The following SLC36A1 variants were observed in gnomAD, a reference collection of about 807,000 sequenced individuals.
The protein encoded by SLC36A1 is proton-coupled amino acid transporter 1.
SLC36A1 carries 30 observed loss-of-function variants against 47.5 expected under a neutral mutation model. The ratio of observed to expected loss-of-function variants is 0.63; its 90% CI spans 0.47 to 0.86. The LOEUF is 0.86. Ranked by LOEUF, SLC36A1 falls within the 40% of genes least tolerant of loss-of-function variation. The pLI, the probability that SLC36A1 is intolerant of heterozygous loss-of-function variation, is 0.00. For missense variants in SLC36A1, 517 were observed against 606.0 expected, an observed-to-expected ratio of 0.85 and a Z score of 1.54; for synonymous variants, 255 against 249.7, an observed-to-expected ratio of 1.02 and a Z score of -0.20.
At chr5:151,417,848 C>T in the SLC36A1 span, among the ~76,000 whole-genome samples, 3 of 152,244 alleles carry the variant, frequency 2.0e-5, no homozygotes, top group African/African-American at 7.2e-5. Context: ...GGGAAAACAT[C>T]TCCAGGGCAT....
chr5:151,462,051 A>T (rs907268756), intron 2 of SLC36A1, among the ~76,000 whole-genome samples: 1 of 152,092 alleles, frequency 6.6e-6, no homozygotes, highest in African/African-American at 2.4e-5. Flanking sequence ...CTTGAAAATG[A>T]AAGAAATCAG....
chr5:151,467,760 G>T lies in SLC36A1; in HGVS notation c.558G>T (p.Val186=). 1 of 1,614,056 alleles carries T rather than the reference G, an allele frequency of 6.2e-7. No homozygotes were observed. Among genetic ancestry groups the T allele is most frequent in the Non-Finnish European group, 8.5e-7 (1 of 1,180,006 alleles). The change falls in exon 7 of 11, where the codon GTG becomes GTT. Residue 186 remains valine, a synonymous_variant. Transcript: ENST00000243389. ...ATAACTGCCACAACAATGAGACGGT[G>T]ATTCTGACGCCTACCATGGACTCGC... ...TTNNCHNNET[V]ILTPTMDSRL... is the part of the protein sequence containing the mutation.
chr5:151,367,479 C>T, the SLC36A1 span, among the ~76,000 whole-genome samples: 8 of 151,268 alleles, frequency 5.3e-5, no homozygotes, highest in Non-Finnish European at 1.2e-4. Flanking sequence ...AAAAATATGG[C>T]TCTTTTTGCC....
chr5:151,488,304 C>T lies in SLC36A1; in HGVS notation c.*50C>T, dbSNP rs201960662. The T allele has an allele frequency of 3.0e-5, 48 of 1,589,606 alleles. No homozygotes were observed. The highest frequency in any genetic ancestry group is 3.8e-5 in the Non-Finnish European group (44 of 1,165,982). ...GCCTACCCCTGCCCCATGTGTCCCCCGTTACCTGTCCTCAGAGCCTCAGGT... is the reference window on the plus strand; with the variant it reads ...GCCTACCCCTGCCCCATGTGTCCCCTGTTACCTGTCCTCAGAGCCTCAGGT... On this transcript the variant is annotated 3_prime_UTR_variant, in exon 11 of 11. Transcript: ENST00000243389.
the SLC36A1 span, among the ~76,000 whole-genome samples, chr5:151,352,474 C>T: frequency 6.6e-6 from 1 of 152,166 alleles, no homozygotes; most frequent in Non-Finnish European, 1.5e-5. Flanking sequence ...GTGTTGGTTT[C>T]CTATGGCTGC....
chr5:151,478,661 AG>A (rs1758398427), intron 9 of SLC36A1, among the ~76,000 whole-genome samples: 1 of 152,214 alleles, frequency 6.6e-6, no homozygotes, highest in Non-Finnish European at 1.5e-5. Flanking sequence ...AAAGGTATAT[AG>A]AGAGCATTAA....
At chr5:151,439,514 G>C (rs544010729) in intron 1 of SLC36A1, among the ~76,000 whole-genome samples, 1 of 151,952 alleles carries the variant, frequency 6.6e-6, no homozygotes, top group Non-Finnish European at 1.5e-5. Context: ...TTTGCCAGGC[G>C]TGGTGGTGTG....
chr5:151,498,921 C>G, the SLC36A1 span, among the ~76,000 whole-genome samples: 1 of 152,226 alleles, frequency 6.6e-6, no homozygotes, highest in Non-Finnish European at 1.5e-5. Context: ...TACCTGCCTG[C>G]GCTGGAGACG....
chr5:151,374,134 C>T, the SLC36A1 span, among the ~76,000 whole-genome samples: 2 of 152,128 alleles, frequency 1.3e-5, no homozygotes, highest in Admixed American at 1.3e-4. Context: ...CTGGAGGACA[C>T]CTACCCTGGC....
In SLC36A1 at chr5:151,467,763, T is replaced by G. The variant is rs140124579; in HGVS notation, c.561T>G (p.Ile187Met). Residue 187 changes from isoleucine (I) to methionine (M), a missense_variant, in exon 7 of 11, where the codon ATT becomes ATG. Physicochemically the swap from Ile to Met is conservative, Grantham distance 10. Transcript: ENST00000243389. ...ACTGCCACAACAATGAGACGGTGAT[T>G]CTGACGCCTACCATGGACTCGCGAC... ...TNNCHNNETV[I>M]LTPTMDSRLY... is the part of the protein sequence containing the mutation. 1.7e-4 allele frequency: 269 copies of G among 1,613,936 alleles called. No individual in the cohort carries two copies. The highest frequency in any genetic ancestry group is 2.1e-4 in the Non-Finnish European group (246 of 1,180,018).
At chr5:151,487,259 G>T (rs1278524034) in intron 10 of SLC36A1, among the ~76,000 whole-genome samples, 1 of 152,182 alleles carries the variant, frequency 6.6e-6, no homozygotes, top group Non-Finnish European at 1.5e-5. Context: ...GCACTGTCTG[G>T]CAGTGTTGAC....
At chr5:151,522,057 C>T in the SLC36A1 span, 28 of 1,598,254 alleles carry the variant, frequency 1.8e-5, no homozygotes, top group Admixed American at 1.8e-4. Flanking sequence ...ACGTCAAAGA[C>T]GAGAGGGGAG....
At chr5:151,385,007 AGAGTGTGT>A in the SLC36A1 span, among the ~76,000 whole-genome samples, 1 of 102,020 alleles carries the variant, frequency 9.8e-6, no homozygotes, top group Non-Finnish European at 2.0e-5. Context: ...AGAGAGAGAG[AGAGTGTGT>A]GTGTGTGTGT....
At chr5:151,365,040 G>A in the SLC36A1 span, among the ~76,000 whole-genome samples, 2 of 152,080 alleles carry the variant, frequency 1.3e-5, no homozygotes, top group Non-Finnish European at 2.9e-5. Context: ...GTACTTATTC[G>A]CCAAACCCAG....
the SLC36A1 span, among the ~76,000 whole-genome samples, chr5:151,427,341 T>G: frequency 6.6e-6 from 1 of 152,212 alleles, no homozygotes; most frequent in Non-Finnish European, 1.5e-5. Context: ...TAAGTGCTTT[T>G]AGAGTTTTGA....
chr5:151,393,700 T>A, the SLC36A1 span, among the ~76,000 whole-genome samples: 1 of 152,140 alleles, frequency 6.6e-6, no homozygotes, highest in African/African-American at 2.4e-5. Context: ...GGGTTGAAAA[T>A]TCTTTTCTTT....
chr5:151,512,971 G>T, the SLC36A1 span, among the ~76,000 whole-genome samples: 3 of 152,306 alleles, frequency 2.0e-5, no homozygotes, highest in Admixed American at 6.5e-5. This position sits in a 1 kb window ranked among gnomAD's most constrained non-coding sequence, Gnocchi z 4.1. Context: ...TGAAAAACCT[G>T]TCTCCCACTC....
chr5:151,419,555 G>A, the SLC36A1 span, among the ~76,000 whole-genome samples: 1 of 152,152 alleles, frequency 6.6e-6, no homozygotes, highest in African/African-American at 2.4e-5. Context: ...ATGTAAAGTA[G>A]TTTCTTTAGG....
At chr5:151,527,478 C>T in the SLC36A1 span, 1 of 1,255,888 alleles carries the variant, frequency 8.0e-7, no homozygotes, top group Non-Finnish European at 1.1e-6. Flanking sequence ...AAGAAGGAGA[C>T]ACTTTCCTAT....
Sources: gnomAD v4.1 joint callset for allele counts (sites outside exome capture counted in the v4.1 genomes callset) on GRCh38, gnomAD v4.1.1 for gene constraint, Gnocchi (gnomAD v3.1) non-coding constraint, MANE v1.5 for transcripts, NCBI Gene and HGNC (gene_info 2026-07-23, HGNC 2026-07-21) for gene names.